RYR1: variants seen among roughly 807,000 people sequenced by gnomAD.
RYR1 encodes the protein ryanodine receptor 1, also known as central core disease of muscle.
In RYR1, 342 loss-of-function variants were observed where a neutral mutation model predicts 583.5. The observed-to-expected ratio is 0.59, with a 90% CI of 0.54 to 0.64. The LOEUF (loss-of-function observed/expected upper bound fraction) is 0.64, where lower values mean the gene tolerates loss of function less well. Among genes scored for constraint, RYR1 ranks in the 30% least tolerant of loss-of-function variants. RYR1 has a pLI of 0.00. For missense variants in RYR1, 6,032 were observed against 6,917.2 expected (o/e 0.87, Z 4.54); for synonymous variants, 2,791 against 2,822.5 (o/e 0.99, Z 0.35).
rs1280838700 is a variant in RYR1 at position 38,587,455 on chromosome 19, G to C, written c.*35G>C. On this transcript the variant is annotated 3_prime_UTR_variant, in exon 106 of 106. Transcript: ENST00000359596. ...AGCTGGCCCTCCACCCCCACCTCAA[G>C]TGCCTTATTCTCACAGCAAGCCCCT... is the stretch of plus-strand genomic sequence containing the variant. 1.3e-6 allele frequency: 2 copies of C among 1,519,706 alleles called. No homozygotes were observed. Among genetic ancestry groups the C allele is most frequent in the South Asian group, 2.2e-5 (2 of 89,020 alleles). 94.1% of individuals were successfully genotyped at this position (1,519,706 alleles called of 1,614,324 possible). A position where few individuals can be genotyped will look rare whatever the true frequency, so the allele number is the denominator to read the frequency against.
chr19:38,501,414 CT>C (rs1262883968), intron 47 of RYR1, among the ~76,000 whole-genome samples: 1 of 152,202 alleles, frequency 6.6e-6, no homozygotes, highest in Non-Finnish European at 1.5e-5. Flanking sequence ...AGGAGAATCA[CT>C]TGAACCGGGG....
intron 93 of RYR1, among the ~76,000 whole-genome samples, chr19:38,569,162 C>T (rs1461646907): frequency 7.2e-5 from 11 of 152,218 alleles, no homozygotes; most frequent in South Asian, 6.2e-4. Context: ...AGGCGCCCGC[C>T]GCCACGCCTG....
intron 97 of RYR1, among the ~76,000 whole-genome samples, 187 bp from the exon 98 acceptor site, chr19:38,577,731 G>T (rs1411622009): frequency 6.6e-6 from 1 of 152,090 alleles, no homozygotes; most frequent in Admixed American, 6.6e-5. Context: ...GGGAGGCACA[G>T]GTTGCAGTGA....
intron 78 of RYR1, among the ~76,000 whole-genome samples, chr19:38,533,528 A>C (rs1243997015): frequency 1.3e-5 from 2 of 152,248 alleles, no homozygotes; most frequent in Admixed American, 6.5e-5. Context: ...GCAGTGGCTC[A>C]CACTTGTAAT....
chr19:38,585,717 A>G (rs1974453556), intron 102 of RYR1, among the ~76,000 whole-genome samples: 1 of 151,956 alleles, frequency 6.6e-6, no homozygotes, highest in Non-Finnish European at 1.5e-5. Flanking sequence ...TCCTCACCTC[A>G]GATGATCCGC....
intron 95 of RYR1, among the ~76,000 whole-genome samples, chr19:38,572,757 C>T (rs1192803699): frequency 6.6e-6 from 1 of 151,988 alleles, no homozygotes; most frequent in African/African-American, 2.4e-5. Context: ...GATCCCTCTG[C>T]CTGTGCCCCA....
chr19:38,530,292 C>T (rs1351038891), intron 76 of RYR1, among the ~76,000 whole-genome samples: 1 of 151,922 alleles, frequency 6.6e-6, no homozygotes, highest in African/African-American at 2.4e-5. Context: ...CTCTTCTTGC[C>T]CAGGCTGGAA....
In RYR1 at chr19:38,526,344, C is replaced by G. The variant is rs527406569; in HGVS notation, c.10627-649C>G. Among the ~76,000 whole-genome samples the G allele has an allele frequency of 1.3e-4, 19 of 151,870 alleles. No homozygotes were observed. The East Asian group carries it at 2.1e-3, about 17-fold the overall frequency. On this transcript the variant is annotated intron_variant, in intron 71 of 105. Coordinates refer to ENST00000359596, the MANE Select transcript of RYR1 (RefSeq NM_000540.3). ...CCCAAGACCCCTATAGCCCTCCCCC[C>G]AGGACCACACCAACACCCTGACAAC...
intron 73 of RYR1, 189 bp downstream of exon 73, chr19:38,527,973 C>T (rs1286745301): frequency 3.3e-6 from 2 of 598,970 alleles, no homozygotes; most frequent in South Asian, 2.0e-5. Context: ...AATCTTGCAT[C>T]TGGGGGCGGG....
At chr19:38,440,926 G>A (rs1972646777) in intron 2 of RYR1, 62 bp downstream of exon 2, 2 of 1,564,204 alleles carry the variant, frequency 1.3e-6, no homozygotes, top group African/African-American at 1.3e-5. Context: ...AGAATCTTGG[G>A]TCCAAAGAAG....
At position 38,457,940 on chromosome 19, in the gene RYR1, C is replaced by T. The variant is rs139304046; in HGVS notation, c.1926-111C>T. The T allele has an allele frequency of 1.5e-4, 172 of 1,134,868 alleles. 1 individual carries two copies. Among genetic ancestry groups the T allele is most frequent in the Admixed American group, 3.6e-4 (21 of 59,094 alleles). The allele number at this position is 1,134,868 out of a possible 1,614,324, so 70.3% of individuals were successfully genotyped here. A position where few individuals can be genotyped will look rare whatever the true frequency, so the allele number is the denominator to read the frequency against. ...TCCATGTCTTTCTCCCTGTCTCTCTCCCATCTCTCTCTCTCTGTCTTTGGA... is the reference window on the plus strand; with the variant it reads ...TCCATGTCTTTCTCCCTGTCTCTCTTCCATCTCTCTCTCTCTGTCTTTGGA... On this transcript the variant is annotated intron_variant, in intron 17 of 105. Coordinates refer to ENST00000359596, the MANE Select transcript of RYR1 (RefSeq NM_000540.3).
chr19:38,444,364 C>T lies in RYR1; in HGVS notation c.537+103C>T. The T allele has an allele frequency of 4.0e-6, 4 of 1,006,200 alleles. No individual in the cohort carries two copies. The highest frequency in any genetic ancestry group is 6.2e-6 in the Non-Finnish European group (4 of 648,568). 62.3% of individuals were successfully genotyped at this position (1,006,200 alleles called of 1,614,324 possible). On this transcript the variant is annotated intron_variant, in intron 6 of 105. Coordinates refer to ENST00000359596, the MANE Select transcript of RYR1 (RefSeq NM_000540.3). The surrounding 1 kb of genome is among the most constrained non-coding windows in gnomAD (Gnocchi z 5.1). ...CTGGCTGATCTCCCACCCCCAAGGTCCTGACTCCCAATTTCCCATTTCCTG... is the reference window on the plus strand; with the variant it reads ...CTGGCTGATCTCCCACCCCCAAGGTTCTGACTCCCAATTTCCCATTTCCTG...
chr19:38,467,229 C>G (rs1968159611), intron 24 of RYR1, among the ~76,000 whole-genome samples: 1 of 152,174 alleles, frequency 6.6e-6, no homozygotes, highest in Admixed American at 6.5e-5. Flanking sequence ...GAATTTCCAT[C>G]CCTTCCATAA....
intron 1 of RYR1, among the ~76,000 whole-genome samples, chr19:38,440,030 C>T (rs1352914975): frequency 6.6e-6 from 1 of 152,238 alleles, no homozygotes; most frequent in Non-Finnish European, 1.5e-5. Context: ...TGGGAGGCCT[C>T]TGGAGCCAGT....
intron 93 of RYR1, among the ~76,000 whole-genome samples, chr19:38,569,220 C>A (rs1264283443): frequency 6.6e-6 from 1 of 152,134 alleles, no homozygotes; most frequent in Non-Finnish European, 1.5e-5. Flanking sequence ...CCGTGTTAGC[C>A]AGAATGGCCT....
At position 38,512,169 on chromosome 19, in the gene RYR1, A is replaced by T. The variant is rs747707828; in HGVS notation, c.9233+37A>T. ...GGCAGTGGCGCCCACTCCCACCATCATCGGGCCCCCACCCCAACCCCTGGT... is the reference window on the plus strand; with the variant it reads ...GGCAGTGGCGCCCACTCCCACCATCTTCGGGCCCCCACCCCAACCCCTGGT... On this transcript the variant is annotated intron_variant, in intron 62 of 105. Transcript: ENST00000359596. This position sits in a 1 kb window ranked among gnomAD's most constrained non-coding sequence, Gnocchi z 5.1. 1.2e-6 allele frequency: 2 copies of T among 1,613,618 alleles called. No individual in the cohort carries two copies. Among genetic ancestry groups the T allele is most frequent in the South Asian group, 2.2e-5 (2 of 91,074 alleles).
At chr19:38,553,334 CAA>C (rs566497167) in intron 89 of RYR1, among the ~76,000 whole-genome samples, 53 of 80,900 alleles carry the variant, frequency 6.6e-4, no homozygotes, top group African/African-American at 1.8e-3. Flanking sequence ...GACTCCATAT[CAA>C]AAAAAAAAAA....
chr19:38,527,167 G>A, intron 72 of RYR1, 115 bp downstream of exon 72: 1 of 1,199,654 alleles, frequency 8.3e-7, no homozygotes, highest in Non-Finnish European at 1.2e-6. Context: ...CAAAGGTCAG[G>A]AGTTTGAGAC....
chr19:38,582,265 C>T (rs1041950331), intron 101 of RYR1, among the ~76,000 whole-genome samples: 5 of 151,926 alleles, frequency 3.3e-5, no homozygotes, highest in Admixed American at 1.3e-4. Flanking sequence ...GGCATGGTGG[C>T]GCATGCCTGT....
Sources: gnomAD v4.1 joint callset for allele counts (sites outside exome capture counted in the v4.1 genomes callset) on GRCh38, gnomAD v4.1.1 for gene constraint, Gnocchi (gnomAD v3.1) non-coding constraint, MANE v1.5 for transcripts, NCBI Gene and HGNC (gene_info 2026-07-23, HGNC 2026-07-21) for gene names.